Variants in RGS5 observed in about 807,000 individuals in gnomAD.
RGS5 encodes regulator of G protein signaling 5.
A neutral mutation model predicts 18.9 loss-of-function variants in RGS5; 20 were observed. That is an observed-to-expected ratio of 1.06 (90% CI 0.74 to 1.54). The LOEUF is 1.54. Among genes scored for constraint, RGS5 ranks in the 40% most tolerant of loss-of-function variants. The probability of loss-of-function intolerance (pLI) is 0.00; values close to 1 mark genes in which losing one functional copy is unlikely to be tolerated. For missense variants in RGS5, 201 were observed against 211.8 expected (o/e 0.95, Z 0.32); for synonymous variants, 57 against 76.2 (o/e 0.75, Z 1.31).
chr1:163,223,493 G>A (rs1279891095), intron 2 of RGS5, among the ~76,000 whole-genome samples: 1 of 152,122 alleles, frequency 6.6e-6, no homozygotes, highest in Non-Finnish European at 1.5e-5. Flanking sequence ...TGTAGGGCTT[G>A]GTAGGTGTGT....
chr1:163,149,877 A>G (rs1657304016), intron 4 of RGS5, among the ~76,000 whole-genome samples: 1 of 152,214 alleles, frequency 6.6e-6, no homozygotes, highest in African/African-American at 2.4e-5. Context: ...TTTTTAAGTA[A>G]TAAAAGCTAT....
chr1:163,188,857 G>A (rs1659211154), intron 1 of RGS5, among the ~76,000 whole-genome samples: 1 of 151,046 alleles, frequency 6.6e-6, no homozygotes. Context: ...GGAGGCTGTG[G>A]CAGGAGAATC....
At chr1:163,172,574 T>C (rs1484397576) in intron 1 of RGS5, 1 of 1,550,018 alleles carries the variant, frequency 6.5e-7, no homozygotes. Context: ...ATCAGGTTAC[T>C]CTTTTCCTCA....
intron 4 of RGS5, among the ~76,000 whole-genome samples, chr1:163,150,476 A>G (rs1024456876): frequency 7.2e-5 from 11 of 152,156 alleles, no homozygotes; most frequent in Non-Finnish European, 8.8e-5. Flanking sequence ...GGGGAAATAC[A>G]TGTCCAATTT....
intron 4 of RGS5, among the ~76,000 whole-genome samples, chr1:163,148,089 G>C (rs1197754388): frequency 1.3e-5 from 2 of 151,866 alleles, no homozygotes; most frequent in African/African-American, 4.8e-5. Context: ...ACCACGCCGG[G>C]CTAATTTTTG....
chr1:163,315,055 G>C (rs950678787), intron 1 of RGS5, among the ~76,000 whole-genome samples: 1 of 152,050 alleles, frequency 6.6e-6, no homozygotes, highest in Non-Finnish European at 1.5e-5. Context: ...ATCACTGCTC[G>C]GGTGACAGAT....
At chr1:163,232,019 AT>A in intron 2 of RGS5, among the ~76,000 whole-genome samples, 1 of 147,666 alleles carries the variant, frequency 6.8e-6, no homozygotes, top group South Asian at 2.1e-4. Flanking sequence ...CTCTAGAGTC[AT>A]TTTTTCCCTG....
chr1:163,203,167 G>A (rs1659848942), upstream of RGS5: 1 of 198,572 alleles, frequency 5.0e-6, no homozygotes, highest in Non-Finnish European at 1.0e-5. Flanking sequence ...CAGGTCATTG[G>A]TTGTTTGAAC....
intron 2 of RGS5, chr1:163,300,838 C>A (rs2101641970): frequency 6.6e-6 from 1 of 152,302 alleles, no homozygotes; most frequent in African/African-American, 2.4e-5. Flanking sequence ...TGCGTAAAGC[C>A]TGTAGGAATC....
chr1:163,274,513 A>T (rs1043325976), intron 2 of RGS5, among the ~76,000 whole-genome samples: 1 of 152,144 alleles, frequency 6.6e-6, no homozygotes, highest in Non-Finnish European at 1.5e-5. Context: ...CTGGCAGGCA[A>T]ATATAAGTAG....
intron 2 of RGS5, among the ~76,000 whole-genome samples, chr1:163,275,268 T>C (rs1362826545): frequency 6.6e-6 from 1 of 152,190 alleles, no homozygotes; most frequent in Non-Finnish European, 1.5e-5. Flanking sequence ...CTGCTACCCA[T>C]GGTCTCTGAT....
chr1:163,254,827 A>G (rs1284836206), intron 2 of RGS5, among the ~76,000 whole-genome samples: 2 of 151,498 alleles, frequency 1.3e-5, no homozygotes, highest in African/African-American at 4.9e-5. Context: ...TTTTTGTATA[A>G]GGTGTAAGGA....
intron 2 of RGS5, among the ~76,000 whole-genome samples, chr1:163,253,225 T>C (rs1174299715): frequency 6.6e-6 from 1 of 152,206 alleles, no homozygotes; most frequent in Non-Finnish European, 1.5e-5. Flanking sequence ...CTCTGAAATC[T>C]ACATACCAGT....
chr1:163,188,769 C>G (rs1185405367), intron 1 of RGS5, among the ~76,000 whole-genome samples: 1 of 152,022 alleles, frequency 6.6e-6, no homozygotes, highest in Non-Finnish European at 1.5e-5. Flanking sequence ...ACCATCCTGG[C>G]CAACATGGTG....
Position 163,242,993 on chromosome 1 carries a change from G to A in RGS5, c.-281+63240C>T, listed in dbSNP as rs141115661. ...GTTTGCAAACATTCTACACTCAGAA[G>A]TTCAAAGATACATTTGTATAGGTGT... On this transcript the variant is annotated intron_variant, in intron 2 of 5. Coordinates refer to the RGS5 transcript ENST00000618415. Among the ~76,000 whole-genome samples the A allele has an allele frequency of 3.1e-3, 471 of 152,260 alleles. 4 individuals carry two copies. The highest frequency in any genetic ancestry group is 0.011 in the African/African-American group (450 of 41,548).
chr1:163,311,104 G>A (rs534956630), intron 1 of RGS5, among the ~76,000 whole-genome samples: 2 of 152,284 alleles, frequency 1.3e-5, no homozygotes, highest in East Asian at 3.9e-4. Flanking sequence ...GAGACACAAA[G>A]CCTAACCATA....
At chr1:163,172,533 A>G in intron 1 of RGS5, 1 of 1,544,378 alleles carries the variant, frequency 6.5e-7, no homozygotes, top group South Asian at 1.2e-5. Context: ...ATCGTATTCC[A>G]TTTCTTCAGA....
chr1:163,189,188 G>A (rs533568500), intron 1 of RGS5, among the ~76,000 whole-genome samples: 141 of 152,214 alleles, frequency 9.3e-4, no homozygotes, highest in African/African-American at 3.3e-3. Context: ...CCATTTGCAT[G>A]GGCACTCCAT....
chr1:163,188,386 G>T (rs1040731015), intron 1 of RGS5, among the ~76,000 whole-genome samples: 1 of 152,096 alleles, frequency 6.6e-6, no homozygotes. Context: ...GAAAAATTAC[G>T]CAGAACAACA....
Sources: allele counts gnomAD v4.1 joint callset (sites outside exome capture counted in the v4.1 genomes callset), GRCh38; gene constraint gnomAD v4.1.1; transcripts MANE v1.5; gene names NCBI Gene and HGNC (gene_info 2026-07-23, HGNC 2026-07-21).